The following ARHGAP44 variants were observed in gnomAD, a reference collection of about 807,000 sequenced individuals.
ARHGAP44 encodes the protein Rho GTPase activating protein 44.
ARHGAP44 carries 43 observed loss-of-function variants against 106.8 expected under a neutral mutation model. The ratio of observed to expected loss-of-function variants is 0.40; its 90% CI spans 0.32 to 0.52. ARHGAP44 has a LOEUF of 0.52. Ranked by LOEUF, ARHGAP44 falls within the 20% of genes least tolerant of loss-of-function variation. The pLI is 0.48. For synonymous variants in ARHGAP44, 439 were observed against 410.3 expected, an observed-to-expected ratio of 1.07 and a Z score of -0.85; for missense variants, 866 against 1,050.5, an observed-to-expected ratio of 0.82 and a Z score of 2.43.
intron 1 of ARHGAP44, among the ~76,000 whole-genome samples, chr17:12,860,527 G>C (rs2036038890): frequency 6.6e-6 from 1 of 152,182 alleles, no homozygotes; most frequent in Non-Finnish European, 1.5e-5. Flanking sequence ...CCAGTGCTAG[G>C]CAACATGGTG....
intron 3 of ARHGAP44, among the ~76,000 whole-genome samples, chr17:12,897,056 T>C (rs2037226750): frequency 6.6e-6 from 1 of 152,178 alleles, no homozygotes; most frequent in African/African-American, 2.4e-5. Flanking sequence ...TAACAGGCAT[T>C]GTATAATGCG....
chr17:12,810,567 A>T (rs2034407791), intron 1 of ARHGAP44, among the ~76,000 whole-genome samples: 2 of 152,096 alleles, frequency 1.3e-5, no homozygotes, highest in Admixed American at 1.3e-4. Flanking sequence ...GGGAGGGGAG[A>T]AGTGGAGATC....
At chr17:12,793,585 G>A (rs1299925698) in intron 1 of ARHGAP44, among the ~76,000 whole-genome samples, 1 of 152,172 alleles carries the variant, frequency 6.6e-6, no homozygotes, top group Non-Finnish European at 1.5e-5. Context: ...GCGGGCGCCT[G>A]TAATCCCAGC....
At chr17:12,961,818 T>G (rs2143206924) in intron 16 of ARHGAP44, among the ~76,000 whole-genome samples, 1 of 152,350 alleles carries the variant, frequency 6.6e-6, no homozygotes, top group Admixed American at 6.5e-5. Context: ...CATCTGTGCG[T>G]ACGTTTTAAG....
chr17:12,956,973 T>G (rs2039144703), intron 15 of ARHGAP44, among the ~76,000 whole-genome samples: 1 of 152,086 alleles, frequency 6.6e-6, no homozygotes. Flanking sequence ...TTTTTTGAGA[T>G]GGAGTTTTGC....
At position 12,943,622 on chromosome 17, in the gene ARHGAP44, C is replaced by A. The variant is rs1398257033; in HGVS notation, c.686C>A (p.Ser229Tyr). 1 of 1,613,916 alleles carries A rather than the reference C, an allele frequency of 6.2e-7. No individual in the cohort carries two copies. The highest frequency in any genetic ancestry group is 1.7e-5 in the Admixed American group (1 of 60,020). The change falls in exon 9 of 21, where the codon TCC becomes TAC. Residue 229 changes from serine to tyrosine, a missense_variant. By Grantham distance (144) the Ser-to-Tyr change is moderately radical. Around this residue, in one of 2 missense-constraint regions of ARHGAP44, gnomAD observed 448 missense variants for 646.9 expected, o/e 0.69. Transcript: ENST00000379672. ...GTGCAAGCTGAATACCACAGGAAGT[C>A]CCTGACACTATTGCAGGCTGTATTG... ...IEVQAEYHRK[S>Y]LTLLQAVLPQ...
intron 1 of ARHGAP44, among the ~76,000 whole-genome samples, chr17:12,876,974 T>A (rs183157047): frequency 7.4e-4 from 112 of 151,518 alleles, no homozygotes; most frequent in Non-Finnish European, 1.3e-3. Flanking sequence ...TGATGGGGCC[T>A]AGCTCGGGAC....
intron 16 of ARHGAP44, among the ~76,000 whole-genome samples, chr17:12,971,132 G>A (rs1462795299): frequency 6.6e-6 from 1 of 152,142 alleles, no homozygotes; most frequent in Non-Finnish European, 1.5e-5. Context: ...TTTACAAGAG[G>A]AGAAGTAGCA....
intron 5 of ARHGAP44, among the ~76,000 whole-genome samples, chr17:12,919,306 G>A (rs2038005329): frequency 6.6e-6 from 1 of 151,974 alleles, no homozygotes; most frequent in Non-Finnish European, 1.5e-5. Flanking sequence ...GGGAAAAAAG[G>A]ATTTCATCTG....
intron 1 of ARHGAP44, among the ~76,000 whole-genome samples, chr17:12,806,786 C>T (rs1175730346): frequency 6.6e-6 from 1 of 152,164 alleles, no homozygotes; most frequent in East Asian, 1.9e-4. Context: ...CAAAGATAAA[C>T]TTAGACACAT....
chr17:12,796,763 A>T (rs1370589237), intron 1 of ARHGAP44, among the ~76,000 whole-genome samples: 16 of 139,626 alleles, frequency 1.1e-4, no homozygotes, highest in South Asian at 2.3e-4. Context: ...CACCTGGCTA[A>T]TTTTTTTTTT....
At chr17:12,907,810 A>G (rs374033956) in intron 3 of ARHGAP44, among the ~76,000 whole-genome samples, 9 of 152,176 alleles carry the variant, frequency 5.9e-5, no homozygotes, top group African/African-American at 2.2e-4. Context: ...ATCTGTTTTC[A>G]GTTACTTTGG....
intron 1 of ARHGAP44, among the ~76,000 whole-genome samples, chr17:12,830,371 G>A (rs544713392): frequency 2.1e-4 from 32 of 152,202 alleles, no homozygotes; most frequent in African/African-American, 6.7e-4. Flanking sequence ...TACTCTTGGG[G>A]TCTGCCTCCA....
At chr17:12,868,589 TTTTA>T (rs1427717047) in intron 1 of ARHGAP44, among the ~76,000 whole-genome samples, 2,997 of 104,804 alleles carry the variant, frequency 0.029, 132 homozygotes, top group Non-Finnish European at 0.036. Flanking sequence ...TATATATGCA[TTTTA>T]TATATATATA....
At chr17:12,910,419 A>G (rs1450380059) in intron 4 of ARHGAP44, among the ~76,000 whole-genome samples, 3 of 150,268 alleles carry the variant, frequency 2.0e-5, no homozygotes, top group Non-Finnish European at 4.4e-5. Context: ...TGAGTAGATC[A>G]AAGGATAGAA....
At chr17:12,812,820 C>T (rs1555542950) in intron 1 of ARHGAP44, among the ~76,000 whole-genome samples, 1 of 152,158 alleles carries the variant, frequency 6.6e-6, no homozygotes, top group Non-Finnish European at 1.5e-5. Context: ...ACTTTCAACT[C>T]TTTTTTTAAA....
intron 10 of ARHGAP44, among the ~76,000 whole-genome samples, chr17:12,946,010 C>G (rs140917308): frequency 1.3e-5 from 2 of 152,112 alleles, no homozygotes; most frequent in Non-Finnish European, 2.9e-5. Context: ...CCGTCCACCT[C>G]GGCCTCCCAA....
chr17:12,827,801 T>C (rs936970254), intron 1 of ARHGAP44, among the ~76,000 whole-genome samples: 1 of 151,986 alleles, frequency 6.6e-6, no homozygotes, highest in Non-Finnish European at 1.5e-5. Flanking sequence ...AGTCTCTTAC[T>C]GCCAAGATGG....
intron 10 of ARHGAP44, among the ~76,000 whole-genome samples, chr17:12,944,850 C>T (rs1336684175): frequency 6.6e-6 from 1 of 151,776 alleles, no homozygotes; most frequent in African/African-American, 2.4e-5. Flanking sequence ...CTTCTTCTGC[C>T]TCTTCCTCTT....
Sources: allele counts gnomAD v4.1 joint callset (sites outside exome capture counted in the v4.1 genomes callset), GRCh38; gene constraint gnomAD v4.1.1; regional missense constraint gnomAD v4.1.1; transcripts MANE v1.5; gene names NCBI Gene and HGNC (gene_info 2026-07-23, HGNC 2026-07-21).